The following ZNF536 variants were observed in gnomAD, a reference collection of about 807,000 sequenced individuals.
ZNF536 encodes zinc finger protein 536.
A neutral mutation model predicts 84.5 loss-of-function variants in ZNF536; 13 were observed. The ratio of observed to expected loss-of-function variants is 0.15; its 90% CI spans 0.10 to 0.24. ZNF536 has a LOEUF of 0.24. Ranked by LOEUF, ZNF536 falls within the 10% of genes least tolerant of loss-of-function variation. ZNF536 has a pLI of 1.00. For synonymous variants in ZNF536, 811 were observed against 742.5 expected (o/e 1.09, Z -1.50); for missense variants, 1,536 against 1,747.5 (o/e 0.88, Z 2.16).
chr19:30,301,613 G>A lies in ZNF536; in HGVS notation c.-120+17472G>A, dbSNP rs370737546. On this transcript the variant is annotated intron_variant, in intron 2 of 5. Transcript: ENST00000585628. Reference sequence around the variant, plus strand: ...ATTGTAGCTTTCTCAGCCCTAACTGGTGGTCCTTAGTAGGTGGCTTTAATT... The same window carrying A: ...ATTGTAGCTTTCTCAGCCCTAACTGATGGTCCTTAGTAGGTGGCTTTAATT... 5.3e-5 allele frequency among the ~76,000 whole-genome samples: 8 copies of A among 152,178 alleles called. No individual in the cohort carries two copies. In the South Asian group the frequency reaches 1.4e-3, roughly 28 times the overall value.
chr19:30,387,761 CA>C (rs2049404385), intron 1 of ZNF536, among the ~76,000 whole-genome samples: 1 of 152,220 alleles, frequency 6.6e-6, no homozygotes, highest in Non-Finnish European at 1.5e-5. Context: ...GGGCCCTCTC[CA>C]CTCCATCGCT....
At chr19:30,400,944 G>T (rs905321209) in intron 1 of ZNF536, among the ~76,000 whole-genome samples, 110 of 152,180 alleles carry the variant, frequency 7.2e-4, no homozygotes, top group African/African-American at 2.4e-3. Context: ...CAGGACCTAG[G>T]TTCCTATGAT....
chr19:30,394,995 C>T (rs1285576945), intron 1 of ZNF536, among the ~76,000 whole-genome samples: 3 of 152,120 alleles, frequency 2.0e-5, no homozygotes, highest in Non-Finnish European at 4.4e-5. Context: ...CTCGGTTACT[C>T]CTGAAAATAA....
At chr19:30,679,899 G>A (rs547761661) in intron 1 of ZNF536, among the ~76,000 whole-genome samples, 12 of 152,346 alleles carry the variant, frequency 7.9e-5, no homozygotes, top group African/African-American at 2.9e-4. Flanking sequence ...ATCGGGAACT[G>A]GAGTTACTTG....
At chr19:30,630,031 A>G (rs2048833583) in intron 1 of ZNF536, among the ~76,000 whole-genome samples, 1 of 152,218 alleles carries the variant, frequency 6.6e-6, no homozygotes. Flanking sequence ...ACTTTGAGAA[A>G]GTGTGAACTT....
chr19:30,633,220 C>T (rs1338950185), intron 1 of ZNF536, among the ~76,000 whole-genome samples: 3 of 152,272 alleles, frequency 2.0e-5, no homozygotes, highest in Middle Eastern at 3.4e-3. Flanking sequence ...AGCTGTCAAA[C>T]GCTTCCACAG....
chr19:30,376,156 G>A (rs1376762819), intron 1 of ZNF536, among the ~76,000 whole-genome samples: 1 of 151,774 alleles, frequency 6.6e-6, no homozygotes, highest in East Asian at 1.9e-4. Context: ...TGGGTACCAA[G>A]GTTTCTTTGC....
intron 1 of ZNF536, among the ~76,000 whole-genome samples, chr19:30,570,939 C>G (rs1037456925): frequency 6.6e-6 from 1 of 152,110 alleles, no homozygotes; most frequent in Non-Finnish European, 1.5e-5. Context: ...CCTCTTATTT[C>G]TGGGAGTTAT....
intron 1 of ZNF536, among the ~76,000 whole-genome samples, chr19:30,699,256 C>A (rs1473868739): frequency 6.6e-6 from 1 of 152,114 alleles, no homozygotes; most frequent in Non-Finnish European, 1.5e-5. Context: ...CCAATGTCAC[C>A]ACTTCTAGAC....
At chr19:30,229,919 G>A (rs918103638) in intron 1 of ZNF536, among the ~76,000 whole-genome samples, 14 of 152,172 alleles carry the variant, frequency 9.2e-5, no homozygotes, top group Non-Finnish European at 1.8e-4. Context: ...TACATGACAG[G>A]CCCCTGGGCT....
At chr19:30,268,143 C>G (rs1043288411) in intron 1 of ZNF536, among the ~76,000 whole-genome samples, 1 of 145,994 alleles carries the variant, frequency 6.8e-6, no homozygotes, top group African/African-American at 2.5e-5. Flanking sequence ...TTCCTGAGAT[C>G]CTTTGCAATA....
At chr19:30,520,147 G>A (rs568638121) in intron 2 of ZNF536, among the ~76,000 whole-genome samples, 41 of 152,326 alleles carry the variant, frequency 2.7e-4, no homozygotes, top group South Asian at 1.2e-3. Context: ...TTTCTGGCCC[G>A]GTGGGCCAGT....
chr19:30,645,905 G>A lies in ZNF536; in HGVS notation c.170-64852G>A, dbSNP rs1049111720. ...AAACTATTCGTTTGGCGAACAACAC[G>A]TCTGCATTTTGGGAAAGTTCGCCAT... On this transcript the variant is annotated intron_variant, in intron 1 of 1. Transcript: ENST00000592773. Among the ~76,000 whole-genome samples, 11 of 152,126 alleles carry A rather than the reference G, an allele frequency of 7.2e-5. 1 individual carries two copies. In the East Asian group the frequency reaches 1.2e-3, roughly 16 times the overall value.
chr19:30,548,229 G>A lies in ZNF536; in HGVS notation c.2610G>A (p.Ser870=), dbSNP rs149881182. Reference sequence around the variant, plus strand: ...GGGTTCTCTCCTCTGGAGATCACTCGGGGCAGGCCACGGGCATGTCTTCGG... The same window carrying A: ...GGGTTCTCTCCTCTGGAGATCACTCAGGGCAGGCCACGGGCATGTCTTCGG... ...TSGVLSSGDH[S]GQATGMSSEV... The change falls in exon 4 of 5, where the codon TCG becomes TCA. Residue 870 remains serine, a synonymous_variant. Transcript: ENST00000355537. The A allele has an allele frequency of 6.3e-5, 102 of 1,614,072 alleles. No individual in the cohort carries two copies. The highest frequency in any genetic ancestry group is 1.6e-4 in the Middle Eastern group (1 of 6,084).
Position 30,445,752 on chromosome 19 carries a change from G to C in ZNF536, c.2170+20G>C, listed in dbSNP as rs2052300335. 3 of 1,532,016 alleles carry C rather than the reference G, an allele frequency of 2.0e-6. No individual in the cohort carries two copies. In the African/African-American group the frequency reaches 4.1e-5, roughly 21 times the overall value. The allele number at this position is 1,532,016 out of a possible 1,614,324, so 94.9% of individuals were successfully genotyped here. On this transcript the variant is annotated intron_variant, in intron 2 of 4. Transcript: ENST00000355537. This position sits in a 1 kb window ranked among gnomAD's most constrained non-coding sequence, Gnocchi z 4.5. ...CCTCAGGTAGGTTAGCTGAGAAGCGGGGAGAAGCAGCTTGTACAGCAGCCC... is the reference window on the plus strand; with the variant it reads ...CCTCAGGTAGGTTAGCTGAGAAGCGCGGAGAAGCAGCTTGTACAGCAGCCC...
chr19:30,325,034 C>T (rs186511041), intron 2 of ZNF536, among the ~76,000 whole-genome samples: 93 of 152,324 alleles, frequency 6.1e-4, no homozygotes, highest in Non-Finnish European at 8.4e-4. Flanking sequence ...CTAGAACCAT[C>T]CACGTTTGCT....
rs750637190 is a variant in ZNF536 at position 30,444,669 on chromosome 19, C to T, written c.1107C>T (p.Asp369=). The part of the protein sequence containing the change: ...FLKGHMRKHK[D]SFEHCCQICG... The stretch of plus-strand genomic sequence containing the variant: ...AGGGTCACATGCGCAAGCACAAAGA[C>T]TCCTTTGAGCACTGCTGCCAGATCT... Residue 369 remains aspartate, a synonymous_variant, in exon 2 of 5, where the codon GAC becomes GAT. Coordinates refer to ENST00000355537, the MANE Select transcript of ZNF536 (RefSeq NM_014717.3). The T allele has an allele frequency of 6.2e-7, 1 of 1,613,990 alleles. No individual in the cohort carries two copies. Among genetic ancestry groups the T allele is most frequent in the South Asian group, 1.1e-5 (1 of 91,092 alleles).
In ZNF536 at chr19:30,275,648, T is replaced by C. The variant is rs548970239; in HGVS notation, c.-189-8424T>C. Among the ~76,000 whole-genome samples, 12 of 152,274 alleles carry C rather than the reference T, an allele frequency of 7.9e-5. No homozygotes were observed. In the South Asian group the frequency reaches 1.2e-3, roughly 16 times the overall value. The stretch of plus-strand genomic sequence containing the variant: ...AGCTCTTAACCTCAGACACAGAACT[T>C]TGGGGCTAGTGCCTCAGTTCTTCAT... On this transcript the variant is annotated intron_variant, in intron 1 of 5. Transcript: ENST00000585628.
At chr19:30,378,213 A>G (rs1356630701) in intron 1 of ZNF536, among the ~76,000 whole-genome samples, 1 of 152,128 alleles carries the variant, frequency 6.6e-6, no homozygotes, top group Admixed American at 6.6e-5. Flanking sequence ...CCCAGGCTGG[A>G]GTGAAGTGGC....
Sources: allele counts gnomAD v4.1 joint callset (sites outside exome capture counted in the v4.1 genomes callset), GRCh38; gene constraint gnomAD v4.1.1; non-coding constraint Gnocchi (gnomAD v3.1); transcripts MANE v1.5; gene names NCBI Gene and HGNC (gene_info 2026-07-23, HGNC 2026-07-21).